Variants in ASAH1 observed in about 807,000 individuals in gnomAD.
ASAH1 encodes acid ceramidase.
In ASAH1, 70 loss-of-function variants were observed where a neutral mutation model predicts 59.5. The ratio of observed to expected loss-of-function variants is 1.18; its 90% CI spans 0.97 to 1.43. The LOEUF (loss-of-function observed/expected upper bound fraction) is 1.43. Ranked by LOEUF, ASAH1 falls within the 40% of genes most tolerant of loss-of-function variation. The pLI is 0.00. For missense variants in ASAH1, 660 were observed against 482.5 expected (o/e 1.37, Z -3.45); for synonymous variants, 213 against 166.5 (o/e 1.28, Z -2.15).
chr8:18,074,928 C>G (rs745493544), intron 2 of ASAH1, among the ~76,000 whole-genome samples: 29 of 152,098 alleles, frequency 1.9e-4, no homozygotes, highest in Admixed American at 9.8e-4. Context: ...CAAATACAGC[C>G]CTTACATTTG....
At chr8:18,084,626 G>A, upstream of ASAH1, 1 of 1,610,192 alleles carries the variant, frequency 6.2e-7, no homozygotes, top group Non-Finnish European at 8.5e-7. Flanking sequence ...TGGCCGAGGA[G>A]TGAGAGAGAA....
At chr8:18,069,519 G>A in intron 4 of ASAH1, 1 of 367,076 alleles carries the variant, frequency 2.7e-6, no homozygotes, top group Non-Finnish European at 5.1e-6. Context: ...CTACATAAAG[G>A]GAAGGAAATA....
At position 18,061,704 on chromosome 8, in the gene ASAH1, T is replaced by C. The variant is rs758920872; in HGVS notation, c.685A>G (p.Ile229Val). ...FSLTLNERFS[I>V]NGGYLGILEW... is the part of the protein sequence containing the mutation. ...TACTTACCCAGATAACCACCATTTA[T>C]ACTGAAACGTTCATTCAGTGTAAGA... Residue 229 changes from isoleucine (I) to valine (V), a missense_variant, in exon 9 of 14, where the codon ATA (isoleucine) becomes GTA (valine). Transcript: ENST00000637790. The C allele has an allele frequency of 1.9e-6, 3 of 1,585,344 alleles. No homozygotes were observed. The South Asian group carries it at 3.4e-5, about 18-fold the overall frequency.
In ASAH1 at chr8:18,059,476, A is replaced by C; in HGVS notation, c.918-12T>G. 6.2e-7 allele frequency: 1 copy of C among 1,614,200 alleles called. No homozygotes were observed. Among genetic ancestry groups the C allele is most frequent in the Non-Finnish European group, 8.5e-7 (1 of 1,180,030 alleles). On this transcript the variant is annotated splice_polypyrimidine_tract_variant and intron_variant, in intron 11 of 13. Transcript: ENST00000637790. ...GCTTAGCATCGAGTCTAGATACAAA[A>C]GGAGAGATTCCCTCTTAGGCTACAT...
chr8:18,059,062 T>G (rs960699722), intron 12 of ASAH1, 171 bp from the exon 13 acceptor site: 8 of 690,666 alleles, frequency 1.2e-5, no homozygotes, highest in Middle Eastern at 2.4e-4. Context: ...ACAGTTTTAA[T>G]GGATTACTTT....
upstream of ASAH1, chr8:18,084,431 C>A (rs1305495055): frequency 1.4e-5 from 19 of 1,376,356 alleles, no homozygotes; most frequent in Non-Finnish European, 1.8e-5. Flanking sequence ...TGGGGCGCCT[C>A]TAGCAGGCGG....
Position 18,067,225 on chromosome 8 carries a change from G to C in ASAH1, c.377C>G (p.Pro126Arg), listed in dbSNP as rs2117047082. ...AGCTTCTAAGTGAACTTTACCTAAA[G>C]GTATATCAGTAACAGCGGCAATACC... ...MKGIAAVTDI[P>R]LGEIISFNIF... The change falls in exon 5 of 14, where the codon CCT (proline) becomes CGT (arginine). Residue 126 changes from proline (P) to arginine (R), a missense_variant. Physicochemically the swap from Pro to Arg is moderately radical, Grantham distance 103. Coordinates refer to ENST00000637790, the MANE Select transcript of ASAH1 (RefSeq NM_177924.5). The C allele has an allele frequency of 6.3e-7, 1 of 1,590,666 alleles. No homozygotes were observed.
chr8:18,070,007 A>T, intron 3 of ASAH1, 129 bp from the exon 4 acceptor site: 1 of 588,772 alleles, frequency 1.7e-6, no homozygotes, highest in Non-Finnish European at 2.9e-6. Context: ...TTAAAACAGC[A>T]TCTCGCTCTG....
rs762489080 is a variant in ASAH1 at position 18,084,023 on chromosome 8, C to T, written c.36G>A (p.Leu12=). ...CGACGGCACAGCTGACGGCGGCAGC[C>T]AGGAGGACTAAGGCGACGCAACTCC... ...PGRSCVALVL[L]AAAVSCAVAQ... is the part of the protein sequence containing the mutation. Residue 12 remains leucine (L), a synonymous_variant, in exon 1 of 14, where the codon CTG becomes CTA. Coordinates refer to ENST00000637790, the MANE Select transcript of ASAH1 (RefSeq NM_177924.5). 7.5e-6 allele frequency: 12 copies of T among 1,598,578 alleles called. No homozygotes were observed. Among genetic ancestry groups the T allele is most frequent in the African/African-American group, 1.3e-5 (1 of 74,914 alleles).
chr8:18,058,030 A>G (rs1799542283), intron 13 of ASAH1: 1 of 156,240 alleles, frequency 6.4e-6, no homozygotes, highest in South Asian at 2.0e-4. Flanking sequence ...TGGAGTAAAA[A>G]CCGTGGAGCT....
intron 4 of ASAH1, chr8:18,069,440 C>CAA: frequency 1.4e-5 from 3 of 213,302 alleles, no homozygotes; most frequent in South Asian, 6.6e-5. Flanking sequence ...CTCATATCTA[C>CAA]AAAAAAAAAA....
rs758139895 is a variant in ASAH1, at chr8:18,077,133, GGATATCCGGCCTCTATTTCT to G, written c.79-1566_79-1547del. Among the ~76,000 whole-genome samples the G allele has an allele frequency of 2.0e-3, 312 of 152,292 alleles. 3 individuals carry two copies. Among genetic ancestry groups the G allele is most frequent in the Middle Eastern group, 0.014 (4 of 294 alleles). ...AATGGCTCTGTCACAAGAGACATCA[GGATATCCGGCCTCTATTTCT>G]GATAATTCACAGAAATGATGACGGT... On this transcript the variant is annotated intron_variant, in intron 1 of 13. Coordinates refer to ENST00000637790, the MANE Select transcript of ASAH1 (RefSeq NM_177924.5).
intron 3 of ASAH1, among the ~76,000 whole-genome samples, chr8:18,070,575 A>G (rs557545290): frequency 1.8e-4 from 28 of 152,348 alleles, no homozygotes; most frequent in Middle Eastern, 3.4e-3. Context: ...GGCATGAGCC[A>G]CCGTGCCTGG....
chr8:18,061,171 C>T (rs1799682027), intron 10 of ASAH1: 1 of 467,646 alleles, frequency 2.1e-6, no homozygotes, highest in African/African-American at 2.0e-5. Context: ...ATCCCTAGTG[C>T]TTTTTAAGTA....
At chr8:18,084,326 T>A, upstream of ASAH1, 4 of 1,421,562 alleles carry the variant, frequency 2.8e-6, no homozygotes, top group Non-Finnish European at 3.7e-6. Flanking sequence ...GCGCGTGGCG[T>A]GATCCATCCC....
chr8:18,075,466 T>G (rs776691570), intron 2 of ASAH1, 75 bp downstream of exon 2: 119 of 1,417,228 alleles, frequency 8.4e-5, no homozygotes, highest in Non-Finnish European at 1.1e-4. Context: ...TATCGTTCGT[T>G]TATGAGCAAT....
intron 10 of ASAH1, chr8:18,060,087 G>A: frequency 4.6e-6 from 1 of 219,008 alleles, no homozygotes; most frequent in South Asian, 6.4e-5. Flanking sequence ...AACATTTTTA[G>A]ATGACTTAGA....
chr8:18,065,567 G>C (rs931901071), intron 5 of ASAH1: 6 of 152,028 alleles, frequency 3.9e-5, no homozygotes, highest in African/African-American at 1.4e-4. Flanking sequence ...ATGCCATAAA[G>C]CTTAAATTGA....
At chr8:18,059,924 T>G (rs1176338489) in intron 10 of ASAH1, 2 of 446,358 alleles carry the variant, frequency 4.5e-6, no homozygotes, top group Non-Finnish European at 8.1e-6. Context: ...ATGCTCTCCC[T>G]CCCCTTTCAC....
Sources: gnomAD v4.1 joint callset for allele counts (sites outside exome capture counted in the v4.1 genomes callset) on GRCh38, gnomAD v4.1.1 for gene constraint, MANE v1.5 for transcripts, NCBI Gene and HGNC (gene_info 2026-07-23, HGNC 2026-07-21) for gene names.